DYRK1A: variants seen among roughly 807,000 people sequenced by gnomAD.
DYRK1A encodes dual specificity tyrosine phosphorylation regulated kinase 1A.
Under a neutral mutation model 79.7 loss-of-function variants are expected in DYRK1A, and 9 were observed. The ratio of observed to expected loss-of-function variants is 0.11; its 90% CI spans 0.07 to 0.20. The LOEUF (loss-of-function observed/expected upper bound fraction) is 0.20, where lower values mean the gene tolerates loss of function less well. Ranked by LOEUF, DYRK1A falls within the 10% of genes least tolerant of loss-of-function variation. The pLI is 1.00. For synonymous variants in DYRK1A, 349 were observed against 329.7 expected, an observed-to-expected ratio of 1.06 and a Z score of -0.63; for missense variants, 622 against 956.0, an observed-to-expected ratio of 0.65 and a Z score of 4.61.
intron 11 of DYRK1A, among the ~76,000 whole-genome samples, chr21:37,511,078 G>GT (rs2053736445): frequency 6.6e-6 from 1 of 152,160 alleles, no homozygotes; most frequent in African/African-American, 2.4e-5. Context: ...CGTGTTACTA[G>GT]TACACTGAGG....
chr21:37,473,823 G>T (rs943165481), intron 3 of DYRK1A, among the ~76,000 whole-genome samples: 2 of 152,132 alleles, frequency 1.3e-5, no homozygotes, highest in Non-Finnish European at 2.9e-5. Context: ...GATGAATTTG[G>T]CAGGACTTAA....
At chr21:37,500,675 G>A (rs1303794380) in intron 9 of DYRK1A, among the ~76,000 whole-genome samples, 3 of 151,910 alleles carry the variant, frequency 2.0e-5, no homozygotes, top group Non-Finnish European at 2.9e-5. Flanking sequence ...TTTTTTTTAA[G>A]TTAGTTTTGG....
rs375120060 is a variant in DYRK1A, at chr21:37,479,605, TG to T, written c.301-1032del. ...AGTGTTGGTGTTTTGTTTTTGTTTT[TG>T]TTTTTGTTTTTTGTTTTTTTTTTTT... On this transcript the variant is annotated intron_variant, in intron 4 of 11. Coordinates refer to ENST00000647188, the MANE Select transcript of DYRK1A (RefSeq NM_001347721.2). Among the ~76,000 whole-genome samples the T allele has an allele frequency of 4.6e-3, 365 of 78,702 alleles. 5 individuals are homozygous for T. Among genetic ancestry groups the T allele is most frequent in the African/African-American group, 0.021 (317 of 15,206 alleles). 51.6% of individuals were successfully genotyped at this position (78,702 alleles called of 152,430 possible). A position where few individuals can be genotyped will look rare whatever the true frequency, so the allele number is the denominator to read the frequency against.
Position 37,512,088 on chromosome 21 carries a change from C to A in DYRK1A, c.1822C>A (p.His608Asn). 2 of 1,614,150 alleles carry A rather than the reference C, an allele frequency of 1.2e-6. No individual in the cohort carries two copies. The highest frequency in any genetic ancestry group is 2.2e-5 in the South Asian group (2 of 91,076). ...CCATCACCACCACCACCACCATCAC[C>A]ACCACCATGGACAACAAGCCTTGGG... Reference protein sequence around the residue: ...HHHHHHHHHHHHHGQQALGNR... With the variant: ...HHHHHHHHHHNHHGQQALGNR... The change falls in exon 12 of 12, where the codon CAC becomes AAC. Residue 608 changes from histidine to asparagine, a missense_variant. Physicochemically the swap from His to Asn is moderately conservative, Grantham distance 68. This residue lies in a region of DYRK1A where 292 missense variants were observed against 316.7 expected (regional missense o/e 0.92). Transcript: ENST00000647188.
intron 2 of DYRK1A, among the ~76,000 whole-genome samples, chr21:37,452,329 C>G (rs527502503): frequency 7.4e-6 from 1 of 135,730 alleles, no homozygotes; most frequent in Admixed American, 8.1e-5. Context: ...GCCAAAGTCA[C>G]AGAATGTAGT....
intron 2 of DYRK1A, chr21:37,421,946 G>T (rs545888539): frequency 1.3e-5 from 2 of 152,064 alleles, no homozygotes; most frequent in African/African-American, 2.4e-5. Flanking sequence ...ATTTTCTCTC[G>T]TGAAATTTTG....
At chr21:37,498,719 G>A (rs2053350950) in intron 9 of DYRK1A, among the ~76,000 whole-genome samples, 2 of 152,202 alleles carry the variant, frequency 1.3e-5, no homozygotes, top group Middle Eastern at 3.4e-3. Context: ...CCAGGTCATG[G>A]GGTATGTGTT....
At chr21:37,427,620 G>C (rs1030354311) in intron 2 of DYRK1A, among the ~76,000 whole-genome samples, 3 of 151,988 alleles carry the variant, frequency 2.0e-5, no homozygotes, top group Admixed American at 1.3e-4. Context: ...TTTATTTATT[G>C]CCTTAGGTTC....
At chr21:37,417,523 C>CTTTTTA (rs1378320554) in intron 1 of DYRK1A, among the ~76,000 whole-genome samples, 1 of 47,160 alleles carries the variant, frequency 2.1e-5, no homozygotes, top group African/African-American at 9.7e-5. Flanking sequence ...TTTTCTTTTT[C>CTTTTTA]TTTTTCTTTT....
At chr21:37,509,170 AG>A (rs1274582568) in intron 11 of DYRK1A, among the ~76,000 whole-genome samples, 1 of 152,268 alleles carries the variant, frequency 6.6e-6, no homozygotes, top group Middle Eastern at 3.4e-3. Context: ...CAGTGTTATT[AG>A]TTTATTAGTT....
intron 1 of DYRK1A, among the ~76,000 whole-genome samples, chr21:37,393,764 C>A (rs1350023305): frequency 6.6e-6 from 1 of 152,220 alleles, no homozygotes; most frequent in Non-Finnish European, 1.5e-5. Context: ...TGTCTCCATC[C>A]CACGTGGCAT....
chr21:37,464,210 T>G (rs987273494), intron 2 of DYRK1A: 5 of 446,710 alleles, frequency 1.1e-5, no homozygotes, highest in Admixed American at 5.4e-5. Context: ...ACCACTATCT[T>G]TTTGAATCTT....
At chr21:37,382,500 C>G (rs1458588139) in intron 1 of DYRK1A, among the ~76,000 whole-genome samples, 1 of 149,130 alleles carries the variant, frequency 6.7e-6, no homozygotes, top group Non-Finnish European at 1.5e-5. Flanking sequence ...TTTTAAACTA[C>G]TTTAAACTAC....
At chr21:37,445,961 A>G (rs374920673) in intron 2 of DYRK1A, among the ~76,000 whole-genome samples, 6 of 152,178 alleles carry the variant, frequency 3.9e-5, no homozygotes, top group African/African-American at 1.4e-4. Context: ...CAGCCTAGTG[A>G]GACCCTCATC....
intron 8 of DYRK1A, among the ~76,000 whole-genome samples, chr21:37,495,504 T>G (rs924985327): frequency 6.6e-6 from 1 of 152,162 alleles, no homozygotes; most frequent in Non-Finnish European, 1.5e-5. Context: ...CTGAAAAATA[T>G]GCCTGTAGTC....
Position 37,366,806 on chromosome 21 carries a change from G to GC in DYRK1A, c.-899_-898insC, listed in dbSNP as rs1555945909. 1 of 151,418 alleles carries GC rather than the reference G, an allele frequency of 6.6e-6. No homozygotes were observed. Among genetic ancestry groups the GC allele is most frequent in the African/African-American group, 2.4e-5 (1 of 41,172 alleles). The allele number at this position is 151,418 out of a possible 1,614,324, so 9.4% of individuals were successfully genotyped here. A position where few individuals can be genotyped will look rare whatever the true frequency, so the allele number is the denominator to read the frequency against. On this transcript the variant is annotated 5_prime_UTR_variant, in exon 1 of 12. Transcript: ENST00000647188. ...CGGTCCGTCGCCATTTTGTTGGTTG[G>GC]TTTTTTTTTAAACCCTTTCGCTTCC... is the stretch of plus-strand genomic sequence containing the variant.
At chr21:37,423,012 T>C (rs1444706053) in intron 2 of DYRK1A, among the ~76,000 whole-genome samples, 1 of 151,420 alleles carries the variant, frequency 6.6e-6, no homozygotes, top group Non-Finnish European at 1.5e-5. Context: ...AACAAACATT[T>C]ATTTGGTGAG....
rs1270993079 is a variant in DYRK1A, at chr21:37,512,805, G to GT, written c.*281dup. ...CTTGCCACATCCCAGTCACAGTGGG[G>GT]TTTTTTTGTCTTTCTATTCAGCAAA... On this transcript the variant is annotated 3_prime_UTR_variant, in exon 12 of 12. Coordinates refer to ENST00000647188, the MANE Select transcript of DYRK1A (RefSeq NM_001347721.2). 4 of 409,188 alleles carry GT rather than the reference G, an allele frequency of 9.8e-6. No individual in the cohort carries two copies. Among genetic ancestry groups the GT allele is most frequent in the Admixed American group, 4.0e-5 (1 of 24,966 alleles). The allele number at this position is 409,188 out of a possible 1,614,324, so 25.3% of individuals were successfully genotyped here.
chr21:37,387,893 T>C (rs2049791367), intron 1 of DYRK1A, among the ~76,000 whole-genome samples: 2 of 152,212 alleles, frequency 1.3e-5, no homozygotes, highest in Non-Finnish European at 2.9e-5. Flanking sequence ...ATACAGCAGA[T>C]ACAGTTTGAA....
Sources: gnomAD v4.1 joint callset for allele counts (sites outside exome capture counted in the v4.1 genomes callset) on GRCh38, gnomAD v4.1.1 for gene constraint, gnomAD v4.1.1 regional missense constraint, MANE v1.5 for transcripts, NCBI Gene and HGNC (gene_info 2026-07-23, HGNC 2026-07-21) for gene names.